The following GPC6 variants were observed in gnomAD, a reference collection of about 807,000 sequenced individuals.
GPC6 encodes the protein glypican 6, also known as glypican-6.
GPC6 carries 14 observed loss-of-function variants against 55.2 expected under a neutral mutation model. The observed-to-expected ratio is 0.25, with a 90% CI of 0.17 to 0.40. The LOEUF is 0.40. Among genes scored for constraint, GPC6 ranks in the 10% least tolerant of loss-of-function variants. The pLI is 1.00. For synonymous variants in GPC6, 278 were observed against 259.6 expected (o/e 1.07, Z -0.68); for missense variants, 641 against 708.5 (o/e 0.90, Z 1.08).
chr13:94,107,554 T>G (rs1229915375), intron 4 of GPC6, among the ~76,000 whole-genome samples: 1 of 149,176 alleles, frequency 6.7e-6, no homozygotes. Flanking sequence ...TTCACCAACC[T>G]TTTTCTTTTT....
At chr13:93,786,422 A>G (rs1241206790) in intron 2 of GPC6, among the ~76,000 whole-genome samples, 2 of 152,178 alleles carry the variant, frequency 1.3e-5, no homozygotes, top group Non-Finnish European at 2.9e-5. Context: ...TTAAAATGCT[A>G]CATTAAGTAT....
chr13:93,512,608 T>G (rs777945684), intron 1 of GPC6, among the ~76,000 whole-genome samples: 7 of 152,138 alleles, frequency 4.6e-5, no homozygotes, highest in Non-Finnish European at 1.0e-4. Flanking sequence ...TTAGGGATAT[T>G]GGCAAGTAGT....
intron 2 of GPC6, among the ~76,000 whole-genome samples, chr13:93,684,915 C>T (rs1440938507): frequency 6.6e-6 from 1 of 152,012 alleles, no homozygotes; most frequent in Admixed American, 6.6e-5. Context: ...TATTATTTCT[C>T]CCATTTCATA....
chr13:93,282,391 T>G (rs1298293611), intron 1 of GPC6, among the ~76,000 whole-genome samples: 1 of 152,096 alleles, frequency 6.6e-6, no homozygotes, highest in African/African-American at 2.4e-5. Context: ...CCTCATCCTC[T>G]CTTCCCAGAT....
At chr13:94,206,318 T>G (rs1192752792) in intron 4 of GPC6, among the ~76,000 whole-genome samples, 1 of 152,178 alleles carries the variant, frequency 6.6e-6, no homozygotes, top group East Asian at 1.9e-4. Flanking sequence ...TCTCTCTGTG[T>G]CTCTCTAGTG....
At chr13:94,290,429 TAAAAAAA>T (rs532958421) in intron 5 of GPC6, among the ~76,000 whole-genome samples, 2,266 of 99,040 alleles carry the variant, frequency 0.023, 27 homozygotes, top group East Asian at 0.051. Context: ...TCTAGAAAGG[TAAAAAAA>T]AAAAAAAAAA....
At chr13:94,212,256 A>C (rs1251807495) in intron 4 of GPC6, among the ~76,000 whole-genome samples, 1 of 152,108 alleles carries the variant, frequency 6.6e-6, no homozygotes, top group African/African-American at 2.4e-5. Context: ...TCTTTCATCA[A>C]TATATATGAG....
At chr13:94,393,386 T>C (rs957339105) in intron 7 of GPC6, among the ~76,000 whole-genome samples, 13 of 152,064 alleles carry the variant, frequency 8.5e-5, no homozygotes, top group African/African-American at 2.4e-4. Flanking sequence ...AACAAGCAGA[T>C]TGAAGGAAAA....
intron 1 of GPC6, among the ~76,000 whole-genome samples, chr13:93,370,262 T>C (rs185208078): frequency 6.6e-6 from 1 of 152,254 alleles, no homozygotes; most frequent in African/African-American, 2.4e-5. Flanking sequence ...TAAAAATTCA[T>C]GCAAACAGAG....
At chr13:93,341,713 T>C (rs1231601764) in intron 1 of GPC6, among the ~76,000 whole-genome samples, 1 of 151,924 alleles carries the variant, frequency 6.6e-6, no homozygotes, top group Non-Finnish European at 1.5e-5. Context: ...TTTTTTCTTT[T>C]TTTTGCTGAG....
intron 3 of GPC6, among the ~76,000 whole-genome samples, chr13:93,941,943 T>G (rs1310711551): frequency 6.6e-6 from 1 of 152,166 alleles, no homozygotes; most frequent in East Asian, 1.9e-4. Flanking sequence ...TGACTCTTAT[T>G]ATTTGTAGTC....
chr13:93,896,418 C>A (rs756575552), intron 3 of GPC6, among the ~76,000 whole-genome samples: 1 of 151,924 alleles, frequency 6.6e-6, no homozygotes, highest in Non-Finnish European at 1.5e-5. Context: ...CTCCAAAATT[C>A]TTTTAGATTC....
chr13:93,460,868 ATAAAT>A (rs1166744429), intron 1 of GPC6, among the ~76,000 whole-genome samples: 1 of 152,204 alleles, frequency 6.6e-6, no homozygotes, highest in Non-Finnish European at 1.5e-5. Context: ...GGTTTTAAAA[ATAAAT>A]TATATGTATC....
rs78031740 is a variant in GPC6 at position 94,270,830 on chromosome 13, C to T, written c.878-15519C>T. 0.014 allele frequency among the ~76,000 whole-genome samples: 2,109 copies of T among 152,038 alleles called. 83 individuals are homozygous for T. In the East Asian group the frequency reaches 0.18, roughly 13 times the overall value. ...TTCCATGGGAAGTTCTGAAAGAGTCCGAACACTAAGAGAAGTGGCAGAAAG... is the reference window on the plus strand; with the variant it reads ...TTCCATGGGAAGTTCTGAAAGAGTCTGAACACTAAGAGAAGTGGCAGAAAG... On this transcript the variant is annotated intron_variant, in intron 4 of 8. Transcript: ENST00000377047.
At chr13:93,825,730 A>G (rs1006925930) in intron 2 of GPC6, among the ~76,000 whole-genome samples, 6 of 152,166 alleles carry the variant, frequency 3.9e-5, no homozygotes, top group Admixed American at 1.3e-4. Flanking sequence ...GTGGAATGAG[A>G]AAGACTACTC....
intron 3 of GPC6, among the ~76,000 whole-genome samples, chr13:93,862,912 A>G (rs1348606878): frequency 6.6e-6 from 1 of 151,628 alleles, no homozygotes; most frequent in Non-Finnish European, 1.5e-5. Context: ...AAGATACAGA[A>G]AAGAGTGATG....
At chr13:93,395,136 A>G (rs1875795928) in intron 1 of GPC6, 1 of 248,652 alleles carries the variant, frequency 4.0e-6, no homozygotes, top group Non-Finnish European at 8.1e-6. Flanking sequence ...AATCCATAAC[A>G]GCCATACTCA....
At chr13:93,545,082 A>G (rs781328427) in intron 1 of GPC6, among the ~76,000 whole-genome samples, 181 bp from the exon 2 acceptor site, 1 of 152,214 alleles carries the variant, frequency 6.6e-6, no homozygotes, top group Non-Finnish European at 1.5e-5. Flanking sequence ...AACTTAAGTC[A>G]ACATGTTTGG....
chr13:94,154,683 T>G (rs1182672863), intron 4 of GPC6, among the ~76,000 whole-genome samples: 8 of 151,956 alleles, frequency 5.3e-5, no homozygotes, highest in African/African-American at 1.7e-4. Context: ...CACCTCAATT[T>G]CACAACCCAA....
Sources: gnomAD v4.1 joint callset for allele counts (sites outside exome capture counted in the v4.1 genomes callset) on GRCh38, gnomAD v4.1.1 for gene constraint, MANE v1.5 for transcripts, NCBI Gene and HGNC (gene_info 2026-07-23, HGNC 2026-07-21) for gene names.